The following ADAMTS18 variants were observed in gnomAD, a reference collection of about 807,000 sequenced individuals.
The protein encoded by ADAMTS18 is A disintegrin and metalloproteinase with thrombospondin motifs 18.
ADAMTS18 carries 157 observed loss-of-function variants against 165.9 expected under a neutral mutation model. The ratio of observed to expected loss-of-function variants is 0.95; its 90% CI spans 0.83 to 1.08. The LOEUF is 1.08. Ranked by LOEUF, ADAMTS18 falls within the 50% of genes least tolerant of loss-of-function variation. The probability of loss-of-function intolerance (pLI) is 0.00; values close to 1 mark genes in which losing one functional copy is unlikely to be tolerated. For synonymous variants in ADAMTS18, 782 were observed against 578.2 expected, an observed-to-expected ratio of 1.35 and a Z score of -5.06; for missense variants, 2,040 against 1,534.0, an observed-to-expected ratio of 1.33 and a Z score of -5.51.
chr16:77,317,387 G>A (rs2055906566), intron 16 of ADAMTS18, among the ~76,000 whole-genome samples: 1 of 152,218 alleles, frequency 6.6e-6, no homozygotes, highest in Admixed American at 6.5e-5. Context: ...AGGCTAGAGT[G>A]CAGTGATGCA....
At chr16:77,372,012 A>G (rs931187684) in intron 3 of ADAMTS18, among the ~76,000 whole-genome samples, 2 of 152,198 alleles carry the variant, frequency 1.3e-5, no homozygotes, top group Non-Finnish European at 2.9e-5. Context: ...CAACAGGGGT[A>G]TATGAAAAAA....
chr16:77,394,862 G>A (rs989717469), intron 3 of ADAMTS18, among the ~76,000 whole-genome samples: 2 of 152,176 alleles, frequency 1.3e-5, no homozygotes, highest in African/African-American at 4.8e-5. Context: ...CTCCATGGGT[G>A]AGCCAACTGG....
At chr16:77,382,489 T>C (rs1293375362) in intron 3 of ADAMTS18, among the ~76,000 whole-genome samples, 2 of 152,128 alleles carry the variant, frequency 1.3e-5, no homozygotes, top group Non-Finnish European at 1.5e-5. Flanking sequence ...GGATTACAGG[T>C]GTGAGCCACC....
intron 3 of ADAMTS18, among the ~76,000 whole-genome samples, chr16:77,388,654 T>A (rs980577086): frequency 3.3e-5 from 5 of 152,180 alleles, no homozygotes; most frequent in African/African-American, 7.2e-5. Context: ...TCACTTACAA[T>A]AATGCCTGCC....
intron 3 of ADAMTS18, among the ~76,000 whole-genome samples, chr16:77,392,085 A>C (rs969977781): frequency 1.3e-4 from 20 of 152,336 alleles, no homozygotes; most frequent in African/African-American, 4.8e-4. Context: ...ACAATCATGT[A>C]ATCAATTGCT....
intron 4 of ADAMTS18, among the ~76,000 whole-genome samples, chr16:77,364,639 T>C (rs577727784): frequency 6.8e-6 from 1 of 146,554 alleles, no homozygotes; most frequent in Admixed American, 7.0e-5. Flanking sequence ...GATGAGTGGA[T>C]GGATGGATGG....
chr16:77,405,337 G>T (rs781107012), intron 3 of ADAMTS18, among the ~76,000 whole-genome samples: 1 of 152,150 alleles, frequency 6.6e-6, no homozygotes, highest in Non-Finnish European at 1.5e-5. Context: ...TGGGAGAACA[G>T]CTTGCAATGT....
Position 77,356,002 on chromosome 16 carries a change from G to A in ADAMTS18, c.1398C>T (p.Thr466=), listed in dbSNP as rs372974892. The A allele has an allele frequency of 1.4e-5, 22 of 1,613,916 alleles. No individual in the cohort carries two copies. The highest frequency in any genetic ancestry group is 1.6e-4 in the Middle Eastern group (1 of 6,084). ...AEGNIMSPTL[T]GNNGVFSWSS... ...ACCATGAAAACACTCCATTGTTTCC[G>A]GTCAGTGTGGGAGACATGATATTGC... Residue 466 remains threonine (T), a synonymous_variant, in exon 9 of 23, where the codon ACC becomes ACT. Transcript: ENST00000282849.
chr16:77,384,913 T>G (rs1017252609), intron 3 of ADAMTS18, among the ~76,000 whole-genome samples: 36 of 150,508 alleles, frequency 2.4e-4, no homozygotes, highest in Admixed American at 5.3e-4. Flanking sequence ...AGATAAGGTT[T>G]TTTTTTTTTT....
chr16:77,413,295 A>T (rs930181910), intron 3 of ADAMTS18, among the ~76,000 whole-genome samples: 7 of 152,190 alleles, frequency 4.6e-5, no homozygotes, highest in Admixed American at 3.9e-4. Context: ...AAGGGAATAA[A>T]ACATTAAAAC....
At chr16:77,289,660 G>A (rs567839334) in intron 21 of ADAMTS18, among the ~76,000 whole-genome samples, 2 of 152,160 alleles carry the variant, frequency 1.3e-5, no homozygotes, top group African/African-American at 2.4e-5. Flanking sequence ...CCAGTTAAGT[G>A]ACTCACTCAT....
At position 77,282,824 on chromosome 16, in the gene ADAMTS18, T is replaced by G. The variant is rs2055170964; in HGVS notation, c.*1132A>C. 6.6e-6 allele frequency: 1 copy of G among 152,458 alleles called. No individual in the cohort carries two copies. The highest frequency in any genetic ancestry group is 1.5e-5 in the Non-Finnish European group (1 of 68,000). 9.4% of individuals were successfully genotyped at this position (152,458 alleles called of 1,614,324 possible). Reference sequence around the variant, plus strand: ...ATACTCTTATTCAGTGAGGGTCTTGTCATATTATGATTTATTAATATTAAC... The same window carrying G: ...ATACTCTTATTCAGTGAGGGTCTTGGCATATTATGATTTATTAATATTAAC... On this transcript the variant is annotated 3_prime_UTR_variant, in exon 23 of 23. Transcript: ENST00000282849.
intron 3 of ADAMTS18, among the ~76,000 whole-genome samples, chr16:77,380,140 T>A (rs1215239333): frequency 6.6e-6 from 1 of 152,200 alleles, no homozygotes; most frequent in Non-Finnish European, 1.5e-5. Flanking sequence ...AAATGAATTA[T>A]CCTTTCACTT....
chr16:77,370,586 C>T (rs7193842), intron 3 of ADAMTS18, among the ~76,000 whole-genome samples: 2,976 of 152,100 alleles, frequency 0.02, 74 homozygotes, highest in African/African-American at 0.061. Flanking sequence ...CATGTCTCTA[C>T]TAAAAATACA....
chr16:77,325,725 G>A (rs1256525736), intron 13 of ADAMTS18, 141 bp downstream of exon 13: 5 of 803,710 alleles, frequency 6.2e-6, no homozygotes, highest in Non-Finnish European at 9.4e-6. Flanking sequence ...CCCATGGAAT[G>A]AAACACTGAG....
At position 77,313,033 on chromosome 16, in the gene ADAMTS18, C is replaced by G. The variant is rs569334116; in HGVS notation, c.2532+6816G>C. Reference sequence around the variant, plus strand: ...GGCACTATTCACAATAGCAAAGACTCGGAACCAACCCAAATGTCCAAGAAT... The same window carrying G: ...GGCACTATTCACAATAGCAAAGACTGGGAACCAACCCAAATGTCCAAGAAT... On this transcript the variant is annotated intron_variant, in intron 16 of 22. Transcript: ENST00000282849. Among the ~76,000 whole-genome samples the G allele has an allele frequency of 4.6e-5, 7 of 152,222 alleles. No homozygotes were observed. The East Asian group carries it at 1.4e-3, about 29-fold the overall frequency.
Position 77,364,381 on chromosome 16 carries a change from T to G in ADAMTS18, c.779A>C (p.Tyr260Ser). The G allele has an allele frequency of 6.2e-7, 1 of 1,613,562 alleles. No individual in the cohort carries two copies. Among genetic ancestry groups the G allele is most frequent in the Non-Finnish European group, 8.5e-7 (1 of 1,179,924 alleles). Reference sequence around the variant, plus strand: ...GTCCTCTGTGGGAGGCTTGGGAGCATCTACGATGAACAGAAGAGCATTTGG... The same window carrying G: ...GTCCTCTGTGGGAGGCTTGGGAGCAGCTACGATGAACAGAAGAGCATTTGG... The part of the protein sequence containing the change: ...KQHFCGRRKK[Y>S]APKPPTEDTY... Residue 260 changes from tyrosine (Y) to serine (S), a missense_variant and splice_region_variant, in exon 5 of 23, where the codon TAT becomes TCT. Tyr to Ser is a moderately radical substitution (Grantham distance 144). Transcript: ENST00000282849.
chr16:77,359,640 T>C (rs983726354), intron 7 of ADAMTS18, among the ~76,000 whole-genome samples: 1 of 152,200 alleles, frequency 6.6e-6, no homozygotes, highest in Non-Finnish European at 1.5e-5. Context: ...TTTTGTTACA[T>C]ATTGTTATCA....
At chr16:77,345,989 C>G (rs2056469712) in intron 10 of ADAMTS18, among the ~76,000 whole-genome samples, 1 of 152,212 alleles carries the variant, frequency 6.6e-6, no homozygotes, top group Non-Finnish European at 1.5e-5. Context: ...AGGTCTTGCT[C>G]ACTCTGGTTT....
Sources: gnomAD v4.1 joint callset for allele counts (sites outside exome capture counted in the v4.1 genomes callset) on GRCh38, gnomAD v4.1.1 for gene constraint, MANE v1.5 for transcripts, NCBI Gene and HGNC (gene_info 2026-07-23, HGNC 2026-07-21) for gene names.